The following LRRC9 variants were observed in gnomAD, a reference collection of about 807,000 sequenced individuals.
LRRC9 encodes the protein leucine rich repeat containing 9.
In LRRC9, 122 loss-of-function variants were observed where a neutral mutation model predicts 63.2. The observed-to-expected ratio is 1.93, with a 90% CI of 1.67 to 2.24. LRRC9 has a LOEUF of 2.24. LRRC9 is among the 30% of genes most tolerant of loss of function. The pLI is 0.00. For synonymous variants in LRRC9, 366 were observed against 213.1 expected, an observed-to-expected ratio of 1.72 and a Z score of -6.25; for missense variants, 1,071 against 627.7, an observed-to-expected ratio of 1.71 and a Z score of -7.55.
In LRRC9 at chr14:60,051,298, A is replaced by T. The variant is rs1205891800; in HGVS notation, c.3991-1767A>T. ...CTGGAGTGACTCCAGGCCCCCCACA[A>T]GGGGGCCCCGCCCAGTGAGGAAGAA... On this transcript the variant is annotated intron_variant, in intron 29 of 31. Transcript: ENST00000445360. The surrounding 1 kb of genome is among the most constrained non-coding windows in gnomAD (Gnocchi z 4.7). Among the ~76,000 whole-genome samples, 1 of 152,146 alleles carries T rather than the reference A, an allele frequency of 6.6e-6. No homozygotes were observed. The highest frequency in any genetic ancestry group is 1.5e-5 in the Non-Finnish European group (1 of 68,000).
In LRRC9 at chr14:60,051,480, C is replaced by G. The variant is rs894882108; in HGVS notation, c.3991-1585C>G. ...ACTGAACCACAGAAATGGCTGCCAC[C>G]CTTTCCCCCAAGAACTGCTTCTGGT... On this transcript the variant is annotated intron_variant, in intron 29 of 31. Coordinates refer to ENST00000445360, the Ensembl canonical transcript of LRRC9. The surrounding 1 kb of genome is among the most constrained non-coding windows in gnomAD (Gnocchi z 4.7). Among the ~76,000 whole-genome samples the G allele has an allele frequency of 6.6e-6, 1 of 152,208 alleles. No homozygotes were observed. Among genetic ancestry groups the G allele is most frequent in the African/African-American group, 2.4e-5 (1 of 41,462 alleles).
chr14:59,968,509 G>A (rs1376357806), intron 12 of LRRC9, among the ~76,000 whole-genome samples: 1 of 152,210 alleles, frequency 6.6e-6, no homozygotes, highest in Non-Finnish European at 1.5e-5. Flanking sequence ...AGAATGGGTT[G>A]GTGGGAGTAG....
At chr14:59,997,973 T>A (rs219364) in intron 18 of LRRC9, 126 bp downstream of exon 18, 15 of 556,570 alleles carry the variant, frequency 2.7e-5, no homozygotes, top group Non-Finnish European at 3.5e-5. Context: ...ACTTCCTTCC[T>A]TGAAGTCATT....
At chr14:60,019,543 T>C (rs1463516924) in intron 26 of LRRC9, among the ~76,000 whole-genome samples, 1 of 151,934 alleles carries the variant, frequency 6.6e-6, no homozygotes, top group African/African-American at 2.4e-5. Context: ...GTACTGCATG[T>C]TTAATGACCT....
intron 29 of LRRC9, among the ~76,000 whole-genome samples, chr14:60,035,336 G>A (rs908437176): frequency 5.9e-5 from 9 of 151,974 alleles, no homozygotes; most frequent in Admixed American, 6.6e-5. Context: ...TTTGCTGTAC[G>A]GAAGCTTTTC....
chr14:59,970,160 T>G (rs1235627626), intron 12 of LRRC9, among the ~76,000 whole-genome samples: 2 of 150,468 alleles, frequency 1.3e-5, no homozygotes, highest in African/African-American at 4.9e-5. Flanking sequence ...TTCCTCTTTA[T>G]GTGTTCATGT....
At position 59,966,756 on chromosome 14, in the gene LRRC9, A is replaced by G. The variant is rs1220657210; in HGVS notation, c.1379A>G (p.His460Arg). The change falls in exon 11 of 32, where the codon CAT becomes CGT. Residue 460 changes from histidine to arginine, a missense_variant. Physicochemically the swap from His to Arg is conservative, Grantham distance 29. Coordinates refer to ENST00000445360, the Ensembl canonical transcript of LRRC9. The surrounding 1 kb of genome is among the most constrained non-coding windows in gnomAD (Gnocchi z 4.0). Reference sequence around the variant, plus strand: ...AAGTTTTTGGAGAATGAAGATATGCATGATTCAGAGTAAGAAGCTGAATTC... The same window carrying G: ...AAGTTTTTGGAGAATGAAGATATGCGTGATTCAGAGTAAGAAGCTGAATTC... The G allele has an allele frequency of 1.5e-6, 1 of 655,654 alleles. No individual in the cohort carries two copies. The highest frequency in any genetic ancestry group is 2.8e-6 in the Non-Finnish European group (1 of 360,200). 40.6% of individuals were successfully genotyped at this position (655,654 alleles called of 1,614,324 possible). A position where few individuals can be genotyped will look rare whatever the true frequency, so the allele number is the denominator to read the frequency against.
rs147187708 is a variant in LRRC9 at position 60,005,060 on chromosome 14, C to T, written c.2842+1262C>T. On this transcript the variant is annotated intron_variant, in intron 21 of 31. Transcript: ENST00000445360. ...TTATTTTTATCATGTGTATATACTG[C>T]ATTTTTCATAAAATAGAAGATTTGA... Among the ~76,000 whole-genome samples the T allele has an allele frequency of 7.0e-3, 1,066 of 152,016 alleles. 14 individuals carry two copies. The highest frequency in any genetic ancestry group is 0.025 in the African/African-American group (1,040 of 41,516).
chr14:60,007,346 GT>G (rs1889894787), intron 22 of LRRC9, among the ~76,000 whole-genome samples: 1 of 152,032 alleles, frequency 6.6e-6, no homozygotes, highest in Non-Finnish European at 1.5e-5. Context: ...ATGCACAGTA[GT>G]TTTACTCCCT....
downstream of LRRC9, among the ~76,000 whole-genome samples, chr14:60,064,992 T>C (rs1397148302): frequency 2.0e-5 from 3 of 152,250 alleles, no homozygotes; most frequent in Non-Finnish European, 4.4e-5. Flanking sequence ...TAGCCATTTT[T>C]CCTATGGACT....
intron 26 of LRRC9, among the ~76,000 whole-genome samples, chr14:60,021,324 T>C (rs1891100735): frequency 6.6e-6 from 1 of 151,914 alleles, no homozygotes; most frequent in Non-Finnish European, 1.5e-5. Flanking sequence ...ATCTGAAACC[T>C]AATAAACCTA....
chr14:60,024,271 A>C (rs988359866), intron 27 of LRRC9, among the ~76,000 whole-genome samples: 3 of 152,138 alleles, frequency 2.0e-5, no homozygotes, highest in Non-Finnish European at 2.9e-5. Flanking sequence ...AACAATTAGT[A>C]ATTTTTAAAT....
rs1042304127 is a variant in LRRC9 at position 59,919,888 on chromosome 14, G to T, written c.-34+5G>T. ...ACGTTCCGCGAACTGGCGAAGGTAA[G>T]TGAAAAGATAAGCGCAGGTACAGAA... On this transcript the variant is annotated splice_donor_5th_base_variant and intron_variant, in intron 1 of 31. Transcript: ENST00000445360. This position sits in a 1 kb window ranked among gnomAD's most constrained non-coding sequence, Gnocchi z 4.5. The T allele has an allele frequency of 6.6e-6, 1 of 152,326 alleles. No homozygotes were observed. Among genetic ancestry groups the T allele is most frequent in the Non-Finnish European group, 1.5e-5 (1 of 68,092 alleles). The allele number at this position is 152,326 out of a possible 1,614,324, so 9.4% of individuals were successfully genotyped here.
intron 15 of LRRC9, among the ~76,000 whole-genome samples, chr14:59,979,099 A>G (rs1042557752): frequency 2.0e-5 from 3 of 152,124 alleles, no homozygotes; most frequent in Non-Finnish European, 2.9e-5. Flanking sequence ...CCTTACATAC[A>G]TTCTGGATTT....
chr14:59,939,996 A>G (rs946762072), intron 7 of LRRC9, among the ~76,000 whole-genome samples: 1 of 151,888 alleles, frequency 6.6e-6, no homozygotes, highest in Admixed American at 6.6e-5. Flanking sequence ...TAGAAGAGAA[A>G]GTGTGTCACT....
intron 29 of LRRC9, among the ~76,000 whole-genome samples, chr14:60,037,274 T>C (rs1216104855): frequency 6.6e-6 from 1 of 152,232 alleles, no homozygotes; most frequent in Non-Finnish European, 1.5e-5. Context: ...CCTTTGGGTA[T>C]ATGTCCAGTA....
In LRRC9 at chr14:60,004,878, G is replaced by GTA. The variant is rs1027969672; in HGVS notation, c.2842+1083_2842+1084dup. ...TGAAAAGAGAAATATGTATATGTGTGTATACACACACACACACACACACAC... is the reference window on the plus strand; with the variant it reads ...TGAAAAGAGAAATATGTATATGTGTGTATATACACACACACACACACACACAC... On this transcript the variant is annotated intron_variant, in intron 21 of 31. Transcript: ENST00000445360. This position sits in a 1 kb window ranked among gnomAD's most constrained non-coding sequence, Gnocchi z 4.8. 5.9e-4 allele frequency among the ~76,000 whole-genome samples: 33 copies of GTA among 56,066 alleles called. No individual in the cohort carries two copies. The Admixed American group carries it at 5.9e-3, about 10-fold the overall frequency. 36.8% of individuals were successfully genotyped at this position (56,066 alleles called of 152,430 possible).
intron 26 of LRRC9, among the ~76,000 whole-genome samples, chr14:60,022,372 C>T (rs926273339): frequency 2.0e-5 from 3 of 151,634 alleles, no homozygotes; most frequent in African/African-American, 7.3e-5. Context: ...TCCTTTATTG[C>T]TTCAAGTAGT....
At chr14:59,995,026 A>T (rs1888606543) in intron 17 of LRRC9, among the ~76,000 whole-genome samples, 1 of 151,840 alleles carries the variant, frequency 6.6e-6, no homozygotes, top group African/African-American at 2.4e-5. Flanking sequence ...AAAGAAAATA[A>T]ATGTATCGTT....
Sources: gnomAD v4.1 joint callset for allele counts (sites outside exome capture counted in the v4.1 genomes callset) on GRCh38, gnomAD v4.1.1 for gene constraint, Gnocchi (gnomAD v3.1) non-coding constraint, MANE v1.5 for transcripts, NCBI Gene and HGNC (gene_info 2026-07-23, HGNC 2026-07-21) for gene names.